SVOP: variants seen among roughly 807,000 people sequenced by gnomAD.
SVOP encodes synaptic vesicle 2-related protein.
A neutral mutation model predicts 69.1 loss-of-function variants in SVOP; 17 were observed. The observed-to-expected ratio is 0.25, with a 90% CI of 0.17 to 0.37. SVOP has a LOEUF of 0.37. Ranked by LOEUF, SVOP falls within the 10% of genes least tolerant of loss-of-function variation. SVOP has a pLI of 1.00. For missense variants in SVOP, 435 were observed against 597.5 expected, an observed-to-expected ratio of 0.73 and a Z score of 2.84; for synonymous variants, 238 against 238.6, an observed-to-expected ratio of 1.00 and a Z score of 0.02.
intron 7 of SVOP, among the ~76,000 whole-genome samples, chr12:108,944,478 A>G (rs979616513): frequency 1.3e-5 from 2 of 152,172 alleles, no homozygotes; most frequent in African/African-American, 4.8e-5. Context: ...GAGTGGGTTC[A>G]TAGTCATCAC....
At chr12:108,936,621 G>A (rs1487918963) in intron 10 of SVOP, among the ~76,000 whole-genome samples, 1 of 152,112 alleles carries the variant, frequency 6.6e-6, no homozygotes, top group East Asian at 1.9e-4. Flanking sequence ...GACCACAGGT[G>A]CATGCCTCCA....
chr12:109,006,743 G>A (rs1009025681), intron 1 of SVOP, among the ~76,000 whole-genome samples: 2 of 152,126 alleles, frequency 1.3e-5, no homozygotes, highest in Admixed American at 6.6e-5. Context: ...TAAAGAAGGC[G>A]GCTGGAGAGA....
chr12:109,003,589 A>G (rs1043699604), intron 1 of SVOP, among the ~76,000 whole-genome samples: 3 of 152,154 alleles, frequency 2.0e-5, no homozygotes, highest in African/African-American at 7.2e-5. Flanking sequence ...CTTTGAGAAA[A>G]TGGCTTAGCT....
intron 6 of SVOP, among the ~76,000 whole-genome samples, chr12:108,960,235 G>A (rs1431257100): frequency 2.0e-5 from 3 of 152,088 alleles, no homozygotes; most frequent in Admixed American, 6.5e-5. Flanking sequence ...TGGAGGGTGC[G>A]GTGTGTTCCA....
chr12:108,972,574 C>G, intron 4 of SVOP, 98 bp from the exon 5 acceptor site: 3 of 1,213,978 alleles, frequency 2.5e-6, no homozygotes, highest in South Asian at 1.3e-5. Context: ...CTCTAGGTAA[C>G]AGCAATGATC....
At chr12:108,975,617 T>G (rs1214991979) in intron 4 of SVOP, among the ~76,000 whole-genome samples, 2 of 152,166 alleles carry the variant, frequency 1.3e-5, no homozygotes, top group Non-Finnish European at 2.9e-5. Flanking sequence ...CCAAAATAAG[T>G]GCTCAGTAAA....
chr12:108,947,826 C>T (rs2039933651), intron 6 of SVOP, among the ~76,000 whole-genome samples: 1 of 152,134 alleles, frequency 6.6e-6, no homozygotes, highest in Non-Finnish European at 1.5e-5. Context: ...TGTTACTCTC[C>T]TAGCTCCTCT....
intron 10 of SVOP, among the ~76,000 whole-genome samples, chr12:108,935,179 C>G (rs763855001): frequency 1.3e-5 from 2 of 152,184 alleles, no homozygotes; most frequent in Non-Finnish European, 2.9e-5. Context: ...GGGTCAATTG[C>G]GTCAACTTGG....
intron 1 of SVOP, among the ~76,000 whole-genome samples, chr12:109,019,601 A>G (rs2040385303): frequency 6.6e-6 from 1 of 152,154 alleles, no homozygotes; most frequent in Non-Finnish European, 1.5e-5. Flanking sequence ...AGACCTTTAC[A>G]TTTTTATGTA....
chr12:108,919,692 C>T lies in SVOP; in HGVS notation c.1251G>A (p.Leu417=), dbSNP rs1031392155. 4 of 1,604,632 alleles carry T rather than the reference C, an allele frequency of 2.5e-6. No individual in the cohort carries two copies. The Admixed American group carries it at 5.1e-5, about 21-fold the overall frequency. Residue 417 remains leucine (L), a synonymous_variant, in exon 13 of 16, where the codon CTG becomes CTA. Coordinates refer to ENST00000610966, the MANE Select transcript of SVOP (RefSeq NM_018711.5). The part of the protein sequence containing the change: ...FVIFSFCSLL[L]FICVGRNVLT... ...TCACCTACCTTCCAACACAGATAAACAGCAGGAGGCTGCAGAAGGAGAAGA... is the reference window on the plus strand; with the variant it reads ...TCACCTACCTTCCAACACAGATAAATAGCAGGAGGCTGCAGAAGGAGAAGA...
Position 108,960,908 on chromosome 12 carries a change from T to A in SVOP, c.578+15A>T. The stretch of plus-strand genomic sequence containing the variant: ...GGCAGCCTGGCTGCATAGCCAGCAC[T>A]GGGTATTTACTTACGACTGGGGAAC... On this transcript the variant is annotated intron_variant, in intron 6 of 15. Coordinates refer to ENST00000610966, the MANE Select transcript of SVOP (RefSeq NM_018711.5). The A allele has an allele frequency of 6.5e-7, 1 of 1,536,572 alleles. No individual in the cohort carries two copies. Among genetic ancestry groups the A allele is most frequent in the Non-Finnish European group, 8.7e-7 (1 of 1,146,554 alleles).
intron 4 of SVOP, among the ~76,000 whole-genome samples, chr12:108,975,382 C>G (rs182607810): frequency 1.1e-3 from 172 of 152,342 alleles, no homozygotes; most frequent in African/African-American, 4.0e-3. Context: ...ACCTAGCCCA[C>G]AAGTCTAAAC....
At chr12:108,924,096 C>T (rs1324371381) in intron 11 of SVOP, among the ~76,000 whole-genome samples, 1 of 152,104 alleles carries the variant, frequency 6.6e-6, no homozygotes, top group Non-Finnish European at 1.5e-5. Flanking sequence ...TTGAAGGGAG[C>T]TCCCCAGCCC....
Position 108,961,045 on chromosome 12 carries a change from C to A in SVOP, c.456G>T (p.Gly152=). The A allele has an allele frequency of 2.6e-6, 4 of 1,534,968 alleles. No homozygotes were observed. The highest frequency in any genetic ancestry group is 3.5e-6 in the Non-Finnish European group (4 of 1,145,468). ...NISDQYGRKT[G]LKISVLWTLY... is the part of the protein sequence containing the mutation. Reference sequence around the variant, plus strand: ...GAGTCCACAGCACGCTGATCTTCAGCCCCTGAAGAGAAGGAAGACACGGAA... The same window carrying A: ...GAGTCCACAGCACGCTGATCTTCAGACCCTGAAGAGAAGGAAGACACGGAA... Residue 152 remains glycine, a splice_region_variant and synonymous_variant, in exon 6 of 16, where the codon GGG becomes GGT. Transcript: ENST00000610966.
chr12:108,988,099 T>C (rs377328272), intron 1 of SVOP, among the ~76,000 whole-genome samples: 1 of 145,064 alleles, frequency 6.9e-6, no homozygotes, highest in Non-Finnish European at 1.5e-5. Flanking sequence ...TTTTTTTTTC[T>C]TTTTTTGTAG....
chr12:108,936,650 A>AT (rs11440068), intron 10 of SVOP, among the ~76,000 whole-genome samples: 2,665 of 152,116 alleles, frequency 0.018, 79 homozygotes, highest in African/African-American at 0.06. Context: ...TAATTTAAAC[A>AT]TTTTTTGTAG....
chr12:108,937,474 A>C, intron 9 of SVOP, 137 bp from the exon 10 acceptor site: 1 of 844,258 alleles, frequency 1.2e-6, no homozygotes, highest in Non-Finnish European at 2.0e-6. Context: ...CTGAGAACCC[A>C]GGTCTCAAAT....
At chr12:108,978,395 A>G (rs2040118433) in intron 3 of SVOP, 183 bp downstream of exon 3, 1 of 545,572 alleles carries the variant, frequency 1.8e-6, no homozygotes, top group Non-Finnish European at 3.2e-6. Flanking sequence ...AAACACACCC[A>G]GCTCTCCTCA....
rs759731070 is a variant in SVOP, at chr12:108,915,747, A to AC, written c.1440+35dup. The AC allele has an allele frequency of 6.9e-5, 107 of 1,560,448 alleles. 1 individual carries two copies. The African/African-American group carries it at 1.2e-3, about 17-fold the overall frequency. The stretch of plus-strand genomic sequence containing the variant: ...TGCTTGCCATGCATGGGGTTTTGTC[A>AC]CCCCCCATCCCTCTGTATTTGGGGG... On this transcript the variant is annotated intron_variant, in intron 15 of 15. Transcript: ENST00000610966.
Sources: gnomAD v4.1 joint callset for allele counts (sites outside exome capture counted in the v4.1 genomes callset) on GRCh38, gnomAD v4.1.1 for gene constraint, MANE v1.5 for transcripts, NCBI Gene and HGNC (gene_info 2026-07-23, HGNC 2026-07-21) for gene names.